Variants in CA8 observed in about 807,000 individuals in gnomAD.
CA8 encodes carbonic anhydrase 8 (inactive).
CA8 carries 22 observed loss-of-function variants against 41.4 expected under a neutral mutation model. That is an observed-to-expected ratio of 0.53 (90% CI 0.38 to 0.76). The LOEUF (loss-of-function observed/expected upper bound fraction) is 0.76, where lower values mean the gene tolerates loss of function less well. Ranked by LOEUF, CA8 falls within the 30% of genes least tolerant of loss-of-function variation. The pLI, the probability that CA8 is intolerant of heterozygous loss-of-function variation, is 0.00. For missense variants in CA8, 270 were observed against 352.8 expected, an observed-to-expected ratio of 0.77 and a Z score of 1.88; for synonymous variants, 121 against 130.6, an observed-to-expected ratio of 0.93 and a Z score of 0.50.
In CA8 at chr8:60,267,628, C is replaced by T. The variant is rs548211560; in HGVS notation, c.293-1579G>A. Among the ~76,000 whole-genome samples, 12 of 152,244 alleles carry T rather than the reference C, an allele frequency of 7.9e-5. No individual in the cohort carries two copies. The East Asian group carries it at 2.1e-3, about 27-fold the overall frequency. Reference sequence around the variant, plus strand: ...GAATGTGACCTGCCACAGTCAGCCTCCTAGCAGGCTCCAGGACAGGATCTG... The same window carrying T: ...GAATGTGACCTGCCACAGTCAGCCTTCTAGCAGGCTCCAGGACAGGATCTG... On this transcript the variant is annotated intron_variant, in intron 2 of 8. Transcript: ENST00000317995.
chr8:60,257,792 G>T (rs1236784640), intron 3 of CA8, among the ~76,000 whole-genome samples: 1 of 152,190 alleles, frequency 6.6e-6, no homozygotes, highest in South Asian at 2.1e-4. Context: ...TATTTTGTGT[G>T]GTTGACAGTC....
At chr8:60,240,828 A>ACAGC (rs1305521246) in intron 3 of CA8, among the ~76,000 whole-genome samples, 1 of 152,088 alleles carries the variant, frequency 6.6e-6, no homozygotes, top group Non-Finnish European at 1.5e-5. Flanking sequence ...CACACTCAAA[A>ACAGC]CAGCCCTTCT....
At chr8:60,255,440 C>G (rs1316452715) in intron 3 of CA8, among the ~76,000 whole-genome samples, 1 of 152,170 alleles carries the variant, frequency 6.6e-6, no homozygotes, top group African/African-American at 2.4e-5. Flanking sequence ...TTTATTGGAT[C>G]TCCTCTGAGA....
rs116264301 is a variant in CA8 at position 60,228,526 on chromosome 8, A to G, written c.514-1591T>C. On this transcript the variant is annotated intron_variant, in intron 4 of 8. Transcript: ENST00000317995. Reference sequence around the variant, plus strand: ...AAGGCCACTCAATGTGGTGCTCAGGAACAGGCTCACTTTGCACTGGACTGC... The same window carrying G: ...AAGGCCACTCAATGTGGTGCTCAGGGACAGGCTCACTTTGCACTGGACTGC... Among the ~76,000 whole-genome samples, 455 of 152,326 alleles carry G rather than the reference A, an allele frequency of 3.0e-3. 1 individual carries two copies. Among genetic ancestry groups the G allele is most frequent in the African/African-American group, 0.01 (422 of 41,572 alleles).
At chr8:60,225,479 G>A (rs1807401470) in intron 5 of CA8, among the ~76,000 whole-genome samples, 1 of 152,172 alleles carries the variant, frequency 6.6e-6, no homozygotes, top group South Asian at 2.1e-4. Flanking sequence ...GTCCACTGCA[G>A]TTGTACAAAT....
rs1805995712 is a variant in CA8, at chr8:60,187,453, G to A, written c.*2568C>T. ...CTAAATACAAAGCAAGCAGAAGTTAGTCTGCTTTCTTACTAATCTTACTAT... is the reference window on the plus strand; with the variant it reads ...CTAAATACAAAGCAAGCAGAAGTTAATCTGCTTTCTTACTAATCTTACTAT... On this transcript the variant is annotated 3_prime_UTR_variant, in exon 9 of 9. Transcript: ENST00000317995. 6.6e-6 allele frequency: 1 copy of A among 151,954 alleles called. No homozygotes were observed. The highest frequency in any genetic ancestry group is 2.4e-5 in the African/African-American group (1 of 41,406). 9.4% of individuals were successfully genotyped at this position (151,954 alleles called of 1,614,324 possible).
intron 8 of CA8, among the ~76,000 whole-genome samples, chr8:60,192,352 G>A (rs895634600): frequency 6.6e-6 from 1 of 152,078 alleles, no homozygotes; most frequent in Non-Finnish European, 1.5e-5. Context: ...ACTTCTTAGG[G>A]AATGTGTGGG....
At position 60,270,977 on chromosome 8, in the gene CA8, A is replaced by G. The variant is rs76108993; in HGVS notation, c.293-4928T>C. ...GAGCAGGCCGGGCAAAGTGAAGCAC[A>G]TGCAAAATGATGCAGATGACAGGAA... On this transcript the variant is annotated intron_variant, in intron 2 of 8. Coordinates refer to ENST00000317995, the MANE Select transcript of CA8 (RefSeq NM_004056.6). Among the ~76,000 whole-genome samples, 745 of 152,340 alleles carry G rather than the reference A, an allele frequency of 4.9e-3. 7 individuals carry two copies. The highest frequency in any genetic ancestry group is 0.016 in the African/African-American group (664 of 41,562).
intron 8 of CA8, among the ~76,000 whole-genome samples, chr8:60,195,614 C>A (rs983525064): frequency 6.6e-6 from 1 of 152,144 alleles, no homozygotes; most frequent in Non-Finnish European, 1.5e-5. Flanking sequence ...ACTAGTGGAA[C>A]ACTTCCTCAG....
intron 2 of CA8, among the ~76,000 whole-genome samples, chr8:60,276,676 T>C (rs1804246411): frequency 6.6e-6 from 1 of 152,078 alleles, no homozygotes; most frequent in African/African-American, 2.4e-5. Flanking sequence ...TGGGTGACAG[T>C]TACACTAAAA....
intron 3 of CA8, among the ~76,000 whole-genome samples, chr8:60,256,719 A>G (rs561751485): frequency 6.6e-6 from 1 of 152,360 alleles, no homozygotes; most frequent in Admixed American, 6.5e-5. Context: ...ATCTTTCTCA[A>G]GGCAATATTT....
chr8:60,220,213 C>A (rs1807197612), intron 7 of CA8, among the ~76,000 whole-genome samples: 1 of 152,112 alleles, frequency 6.6e-6, no homozygotes, highest in Admixed American at 6.5e-5. Context: ...TCAAGGCAAA[C>A]TGCTTAGATG....
chr8:60,222,584 T>C (rs1287820758), intron 7 of CA8, 65 bp downstream of exon 7: 19 of 1,029,994 alleles, frequency 1.8e-5, no homozygotes, highest in Non-Finnish European at 4.6e-6. Flanking sequence ...ACAGACATTT[T>C]CCTTTCTCAG....
intron 2 of CA8, among the ~76,000 whole-genome samples, chr8:60,273,796 T>A (rs1393263269): frequency 1.3e-5 from 2 of 152,206 alleles, no homozygotes; most frequent in East Asian, 3.8e-4. Context: ...GATGAGTTCA[T>A]CAGTGACCTT....
intron 2 of CA8, among the ~76,000 whole-genome samples, chr8:60,268,501 G>A (rs1019400356): frequency 6.6e-6 from 1 of 152,146 alleles, no homozygotes; most frequent in Non-Finnish European, 1.5e-5. Context: ...CATGACCAAT[G>A]CTCAAAACTT....
chr8:60,262,888 T>C (rs1803779682), intron 3 of CA8, among the ~76,000 whole-genome samples: 1 of 152,216 alleles, frequency 6.6e-6, no homozygotes, highest in Non-Finnish European at 1.5e-5. Flanking sequence ...TCTTGCTTAG[T>C]GTAGAGCAGC....
chr8:60,205,423 C>A (rs558558538), intron 8 of CA8, among the ~76,000 whole-genome samples: 14 of 152,234 alleles, frequency 9.2e-5, no homozygotes, highest in South Asian at 6.2e-4. Context: ...AAGATGAGTA[C>A]CAATGTCATG....
chr8:60,239,847 GCTCTCA>G (rs1453279195), intron 3 of CA8, among the ~76,000 whole-genome samples: 2 of 152,114 alleles, frequency 1.3e-5, no homozygotes, highest in Non-Finnish European at 2.9e-5. Context: ...CTTTCACTTG[GCTCTCA>G]CTCTGTCTCT....
intron 7 of CA8, among the ~76,000 whole-genome samples, chr8:60,220,136 A>G (rs1475997109): frequency 6.6e-6 from 1 of 152,110 alleles, no homozygotes. Context: ...GCTCTTGTTC[A>G]TGAATCTTGT....
Sources: allele counts gnomAD v4.1 joint callset (sites outside exome capture counted in the v4.1 genomes callset), GRCh38; gene constraint gnomAD v4.1.1; transcripts MANE v1.5; gene names NCBI Gene and HGNC (gene_info 2026-07-23, HGNC 2026-07-21).